TTC13: variants seen among roughly 807,000 people sequenced by gnomAD.
TTC13 encodes the protein tetratricopeptide repeat protein 13.
A neutral mutation model predicts 120.0 loss-of-function variants in TTC13; 62 were observed. The ratio of observed to expected loss-of-function variants is 0.52; its 90% CI spans 0.42 to 0.64. TTC13 has a LOEUF of 0.64. Ranked by LOEUF, TTC13 falls within the 30% of genes least tolerant of loss-of-function variation. TTC13 has a pLI of 0.00. For synonymous variants in TTC13, 384 were observed against 393.5 expected (o/e 0.98, Z 0.28); for missense variants, 824 against 1,050.2 (o/e 0.78, Z 2.98).
chr1:230,954,794 G>A (rs1477480483), intron 3 of TTC13, among the ~76,000 whole-genome samples: 3 of 152,164 alleles, frequency 2.0e-5, no homozygotes, highest in Admixed American at 1.3e-4. Flanking sequence ...TGAATGTTAT[G>A]AGAAATACCC....
chr1:230,974,729 T>C (rs926377270), intron 1 of TTC13, among the ~76,000 whole-genome samples: 2 of 152,216 alleles, frequency 1.3e-5, no homozygotes, highest in Non-Finnish European at 2.9e-5. Flanking sequence ...AGGAACTCAG[T>C]CAGCTGTGCT....
At chr1:230,919,578 G>A (rs1051978015) in intron 17 of TTC13, among the ~76,000 whole-genome samples, 1 of 152,178 alleles carries the variant, frequency 6.6e-6, no homozygotes, top group African/African-American at 2.4e-5. Flanking sequence ...AGGTTATTTT[G>A]CCTTTCTTTA....
chr1:230,948,266 G>C (rs1675195626), intron 4 of TTC13, among the ~76,000 whole-genome samples: 1 of 151,694 alleles, frequency 6.6e-6, no homozygotes, highest in Non-Finnish European at 1.5e-5. Context: ...GTTTCAGTAG[G>C]TTATACCTAG....
At chr1:230,914,805 G>A (rs1242607388) in intron 18 of TTC13, among the ~76,000 whole-genome samples, 1 of 152,064 alleles carries the variant, frequency 6.6e-6, no homozygotes, top group Non-Finnish European at 1.5e-5. Context: ...TTTTTGGTAA[G>A]GCTTCTGGTC....
In TTC13 at chr1:230,978,571, G is replaced by T. The variant is rs1391097134; in HGVS notation, c.260C>A (p.Ala87Asp). 5.7e-6 allele frequency: 7 copies of T among 1,235,226 alleles called. No homozygotes were observed. Among genetic ancestry groups the T allele is most frequent in the Admixed American group, 6.3e-5 (2 of 31,698 alleles). The allele number at this position is 1,235,226 out of a possible 1,614,324, so 76.5% of individuals were successfully genotyped here. ...QSGDWGDQYS[A>D]ECGESSFLNF... Reference sequence around the variant, plus strand: ...CGCCGCCCACTCACCGCCGCACTCGGCAGAGTACTGGTCCCCCCAGTCCCC... The same window carrying T: ...CGCCGCCCACTCACCGCCGCACTCGTCAGAGTACTGGTCCCCCCAGTCCCC... Residue 87 changes from alanine to aspartate, a missense_variant, in exon 1 of 23, where the codon GCC (alanine) becomes GAC (aspartate). Transcript: ENST00000366661. The surrounding 1 kb of genome is among the most constrained non-coding windows in gnomAD (Gnocchi z 5.6).
chr1:230,906,348 G>C lies in TTC13; in HGVS notation c.*557C>G, dbSNP rs1163781512. On this transcript the variant is annotated 3_prime_UTR_variant, in exon 23 of 23. Transcript: ENST00000366661. ...AATTCAGCATTTGGGACTCTGGCAA[G>C]TACTGTCTGCATTGTTCAAAATAAG... The C allele has an allele frequency of 6.6e-6, 1 of 152,160 alleles. No homozygotes were observed. Among genetic ancestry groups the C allele is most frequent in the Non-Finnish European group, 1.5e-5 (1 of 68,044 alleles). The allele number at this position is 152,160 out of a possible 1,614,324, so 9.4% of individuals were successfully genotyped here.
chr1:230,931,664 T>C (rs1480318870), intron 10 of TTC13, 72 bp downstream of exon 10: 1 of 1,565,532 alleles, frequency 6.4e-7, no homozygotes, highest in Non-Finnish European at 8.7e-7. Context: ...CCTTCTCTAT[T>C]CATTTCACTA....
chr1:230,974,012 G>C (rs1354238062), intron 1 of TTC13, among the ~76,000 whole-genome samples: 1 of 151,760 alleles, frequency 6.6e-6, no homozygotes, highest in Non-Finnish European at 1.5e-5. Flanking sequence ...GGGAGGCAGA[G>C]GTTGCAGTGA....
intron 12 of TTC13, among the ~76,000 whole-genome samples, chr1:230,927,028 T>C (rs1673111572): frequency 6.6e-6 from 1 of 152,244 alleles, no homozygotes; most frequent in Non-Finnish European, 1.5e-5. Context: ...GCTGCTTTTA[T>C]TCAACATTAC....
At chr1:230,958,751 G>A (rs1402821553) in intron 2 of TTC13, among the ~76,000 whole-genome samples, 4 of 152,288 alleles carry the variant, frequency 2.6e-5, no homozygotes, top group African/African-American at 9.6e-5. Context: ...AGCACTTTGG[G>A]AGACCAAGGT....
At chr1:230,907,805 CAGG>C (rs975930486) in intron 22 of TTC13, among the ~76,000 whole-genome samples, 5 of 152,248 alleles carry the variant, frequency 3.3e-5, no homozygotes, top group South Asian at 2.1e-4. Context: ...TGTAAAAAAC[CAGG>C]AGAAGGGGCA....
intron 1 of TTC13, among the ~76,000 whole-genome samples, chr1:230,974,477 A>G (rs868044338): frequency 6.6e-6 from 1 of 152,184 alleles, no homozygotes; most frequent in Non-Finnish European, 1.5e-5. Flanking sequence ...ACTTGTCACT[A>G]TGTTACAACT....
rs938696342 is a variant in TTC13, at chr1:230,913,496, A to C, written c.2094-738T>G. ...CGCCTCAGCCTCTTGAGTAGCTGGG[A>C]CTACTGGTATGCACCTGTAGTTATT... On this transcript the variant is annotated intron_variant, in intron 18 of 22. Coordinates refer to ENST00000366661, the MANE Select transcript of TTC13 (RefSeq NM_024525.5). Among the ~76,000 whole-genome samples the C allele has an allele frequency of 2.6e-5, 4 of 152,214 alleles. No homozygotes were observed. In the East Asian group the frequency reaches 7.7e-4, roughly 29 times the overall value.
chr1:230,923,458 G>C (rs1439829435), intron 15 of TTC13, among the ~76,000 whole-genome samples: 1 of 152,060 alleles, frequency 6.6e-6, no homozygotes, highest in East Asian at 1.9e-4. Context: ...CACCACGAGA[G>C]ACTTGTCAAA....
intron 3 of TTC13, among the ~76,000 whole-genome samples, 172 bp downstream of exon 3, chr1:230,958,052 C>A (rs1234809362): frequency 6.7e-6 from 1 of 149,274 alleles, no homozygotes; most frequent in East Asian, 2.0e-4. Flanking sequence ...TTTTTTTTCT[C>A]TTGACATATA....
rs1409729553 is a variant in TTC13 at position 230,925,385 on chromosome 1, A to G, written c.1588+132T>C. 22 of 1,087,858 alleles carry G rather than the reference A, an allele frequency of 2.0e-5. No individual in the cohort carries two copies. In the East Asian group the frequency reaches 5.1e-4, roughly 25 times the overall value. The allele number at this position is 1,087,858 out of a possible 1,614,324, so 67.4% of individuals were successfully genotyped here. On this transcript the variant is annotated intron_variant, in intron 13 of 22. Transcript: ENST00000366661. ...GAATTCAGTTTGAATGATTCTACAC[A>G]TTTCTATTCTGATCACATGGAGAAT...
rs918167922 is a variant in TTC13 at position 230,916,318 on chromosome 1, A to G, written c.1984-16T>C. The G allele has an allele frequency of 6.4e-7, 1 of 1,570,070 alleles. No individual in the cohort carries two copies. The highest frequency in any genetic ancestry group is 2.2e-5 in the East Asian group (1 of 44,674). ...TATTAAACTGCTTTCAGGGAAAAAG[A>G]AAATTCACGTTACTAGTGTTTCATT... is the stretch of plus-strand genomic sequence containing the variant. On this transcript the variant is annotated splice_polypyrimidine_tract_variant and intron_variant, in intron 17 of 22. Transcript: ENST00000366661.
At position 230,929,014 on chromosome 1, in the gene TTC13, A is replaced by G. The variant is rs16853257; in HGVS notation, c.1380T>C (p.Phe460=). The G allele has an allele frequency of 6.2e-3, 10,054 of 1,614,160 alleles. 501 individuals are homozygous for G. The African/African-American group carries it at 0.11, about 18-fold the overall frequency. The change falls in exon 12 of 23, where the codon TTT becomes TTC. Residue 460 remains phenylalanine, a synonymous_variant. Transcript: ENST00000366661. ...YNIDVDLPGS[F]KDHWAKNLPF... Reference sequence around the variant, plus strand: ...GCAAATTTTTAGCCCAGTGGTCCTTAAAGCTTCCAGGCAGATCCACATCAA... The same window carrying G: ...GCAAATTTTTAGCCCAGTGGTCCTTGAAGCTTCCAGGCAGATCCACATCAA...
intron 12 of TTC13, 151 bp downstream of exon 12, chr1:230,928,786 A>G: frequency 1.4e-6 from 1 of 694,048 alleles, no homozygotes; most frequent in Non-Finnish European, 2.4e-6. Context: ...GGATATTCAC[A>G]GGCACAAGGA....
Sources: allele counts gnomAD v4.1 joint callset (sites outside exome capture counted in the v4.1 genomes callset), GRCh38; gene constraint gnomAD v4.1.1; non-coding constraint Gnocchi (gnomAD v3.1); transcripts MANE v1.5; gene names NCBI Gene and HGNC (gene_info 2026-07-23, HGNC 2026-07-21).